PAX7: variants seen among roughly 807,000 people sequenced by gnomAD.
PAX7 encodes paired box 7.
In PAX7, 18 loss-of-function variants were observed where a neutral mutation model predicts 50.7. The observed-to-expected ratio is 0.36, with a 90% CI of 0.25 to 0.53. PAX7 has a LOEUF of 0.53. Among genes scored for constraint, PAX7 ranks in the 20% least tolerant of loss-of-function variants. The pLI, the probability that PAX7 is intolerant of heterozygous loss-of-function variation, is 0.93. For synonymous variants in PAX7, 310 were observed against 290.4 expected, an observed-to-expected ratio of 1.07 and a Z score of -0.69; for missense variants, 644 against 702.9, an observed-to-expected ratio of 0.92 and a Z score of 0.95.
chr1:18,724,596 G>A (rs535209493), intron 7 of PAX7, among the ~76,000 whole-genome samples: 42 of 152,160 alleles, frequency 2.8e-4, no homozygotes, highest in African/African-American at 1.0e-3. Context: ...ATGGAGGTAG[G>A]AAGAGGTGCT....
At chr1:18,667,329 GC>G (rs1335663007) in intron 4 of PAX7, among the ~76,000 whole-genome samples, 1 of 151,598 alleles carries the variant, frequency 6.6e-6, no homozygotes, top group Non-Finnish European at 1.5e-5. Context: ...GTTGGGTTTT[GC>G]CCGCATCTTC....
At chr1:18,683,017 G>A (rs1421651397) in intron 4 of PAX7, among the ~76,000 whole-genome samples, 1 of 152,174 alleles carries the variant, frequency 6.6e-6, no homozygotes, top group African/African-American at 2.4e-5. Flanking sequence ...GTACCTGTGT[G>A]GGGGAAGTGG....
intron 5 of PAX7, among the ~76,000 whole-genome samples, chr1:18,695,563 G>A (rs1036872062): frequency 1.1e-4 from 17 of 152,218 alleles, no homozygotes; most frequent in African/African-American, 1.9e-4. Context: ...GCCTCTGCTT[G>A]AAGCCTGCTA....
chr1:18,720,623 G>T (rs796138349), intron 7 of PAX7, among the ~76,000 whole-genome samples: 15 of 151,620 alleles, frequency 9.9e-5, no homozygotes, highest in African/African-American at 3.4e-4. Context: ...GGAGGTGGGC[G>T]CAGACGGACC....
intron 5 of PAX7, among the ~76,000 whole-genome samples, chr1:18,694,955 C>T (rs182394219): frequency 1.2e-4 from 18 of 152,256 alleles, no homozygotes; most frequent in Admixed American, 9.8e-4. Context: ...CATTGTATGG[C>T]TTCATACATT....
chr1:18,725,398 G>T (rs991407029), intron 7 of PAX7, among the ~76,000 whole-genome samples: 2 of 151,870 alleles, frequency 1.3e-5, no homozygotes, highest in Non-Finnish European at 1.5e-5. Context: ...GAGTCAAGGA[G>T]GCCCTCCTCC....
At chr1:18,679,963 C>T (rs1043487856) in intron 4 of PAX7, among the ~76,000 whole-genome samples, 5 of 152,168 alleles carry the variant, frequency 3.3e-5, no homozygotes, top group Non-Finnish European at 7.3e-5. Flanking sequence ...CAATAATAAT[C>T]GCTAACATGG....
At position 18,691,746 on chromosome 1, in the gene PAX7, G is replaced by C; in HGVS notation, c.587-8G>C. 1 of 1,563,216 alleles carries C rather than the reference G, an allele frequency of 6.4e-7. No individual in the cohort carries two copies. The highest frequency in any genetic ancestry group is 1.2e-5 in the South Asian group (1 of 85,064). ...CCTGCCTTCTCCCTCCCTCTCCTCCGGCTGTAGGGAACCGGCTGGACGAGG... is the reference window on the plus strand; with the variant it reads ...CCTGCCTTCTCCCTCCCTCTCCTCCCGCTGTAGGGAACCGGCTGGACGAGG... On this transcript the variant is annotated splice_region_variant and splice_polypyrimidine_tract_variant and intron_variant, in intron 4 of 8. Transcript: ENST00000420770.
At chr1:18,644,393 A>G (rs1057332325) in intron 4 of PAX7, among the ~76,000 whole-genome samples, 2 of 152,230 alleles carry the variant, frequency 1.3e-5, no homozygotes, top group Non-Finnish European at 2.9e-5. Flanking sequence ...CTTCCATGAA[A>G]AAAGAGAATT....
chr1:18,663,378 T>TTGTTTTGTTC, intron 4 of PAX7, among the ~76,000 whole-genome samples: 1 of 152,300 alleles, frequency 6.6e-6, no homozygotes, highest in Middle Eastern at 3.4e-3. Flanking sequence ...GGGGTTTGTT[T>TTGTTTTGTTC]TGTTTTGTTC....
At chr1:18,708,151 T>G (rs1022587822) in intron 7 of PAX7, among the ~76,000 whole-genome samples, 6 of 152,186 alleles carry the variant, frequency 3.9e-5, no homozygotes, top group African/African-American at 1.4e-4. Context: ...GAGACCTCAT[T>G]CCTGATAACG....
At chr1:18,681,225 GC>G (rs1198701253) in intron 4 of PAX7, among the ~76,000 whole-genome samples, 1 of 140,850 alleles carries the variant, frequency 7.1e-6, no homozygotes, top group Non-Finnish European at 1.5e-5. Flanking sequence ...GAGTGGGCCT[GC>G]CCCTGCCCCC....
intron 7 of PAX7, among the ~76,000 whole-genome samples, chr1:18,724,255 G>A (rs1226010050): frequency 3.3e-5 from 5 of 152,226 alleles, no homozygotes; most frequent in Non-Finnish European, 7.3e-5. Flanking sequence ...GTCTTCCACA[G>A]AGAAAACTGG....
Position 18,711,671 on chromosome 1 carries a change from G to A in PAX7, c.1155+8375G>A, listed in dbSNP as rs148831352. Among the ~76,000 whole-genome samples, 682 of 152,166 alleles carry A rather than the reference G, an allele frequency of 4.5e-3. 6 individuals carry two copies. Among genetic ancestry groups the A allele is most frequent in the African/African-American group, 0.016 (649 of 41,496 alleles). Reference sequence around the variant, plus strand: ...ATGGAGGAGTGCTTGACTCAAGTTGGCAGGGCATGGGCTGAGTGGTTTTTC... The same window carrying A: ...ATGGAGGAGTGCTTGACTCAAGTTGACAGGGCATGGGCTGAGTGGTTTTTC... On this transcript the variant is annotated intron_variant, in intron 7 of 8. Coordinates refer to ENST00000420770, the MANE Select transcript of PAX7 (RefSeq NM_001135254.2).
rs549817866 is a variant in PAX7, at chr1:18,736,239, C to T, written c.1402+361C>T. The T allele has an allele frequency of 1.3e-4, 63 of 498,526 alleles. No homozygotes were observed. In the Middle Eastern group the frequency reaches 2.0e-3, roughly 16 times the overall value. The allele number at this position is 498,526 out of a possible 1,614,324, so 30.9% of individuals were successfully genotyped here. On this transcript the variant is annotated intron_variant, in intron 8 of 8. Coordinates refer to ENST00000420770, the MANE Select transcript of PAX7 (RefSeq NM_001135254.2). Reference sequence around the variant, plus strand: ...CAGCACTTTGGAAGGCTGAGGCAAACGAATCACTTGAGCCCAGGAGTTCAA... The same window carrying T: ...CAGCACTTTGGAAGGCTGAGGCAAATGAATCACTTGAGCCCAGGAGTTCAA...
At chr1:18,697,510 T>G (rs1405686767) in intron 5 of PAX7, among the ~76,000 whole-genome samples, 1 of 152,168 alleles carries the variant, frequency 6.6e-6, no homozygotes, top group Non-Finnish European at 1.5e-5. Context: ...TGGCTGTTAT[T>G]AGCCCCATTT....
chr1:18,658,510 T>C (rs2100472810), intron 4 of PAX7, among the ~76,000 whole-genome samples: 1 of 152,274 alleles, frequency 6.6e-6, no homozygotes, highest in South Asian at 2.1e-4. Context: ...CCCCACATGA[T>C]GGAAGGGAAA....
chr1:18,707,550 G>C (rs976994258), intron 7 of PAX7, among the ~76,000 whole-genome samples: 4 of 151,408 alleles, frequency 2.6e-5, no homozygotes, highest in Admixed American at 1.3e-4. Flanking sequence ...AGCCTCCAGA[G>C]TAGCTGGGAC....
chr1:18,726,007 T>C lies in PAX7; in HGVS notation c.1156-9625T>C, dbSNP rs967257660. On this transcript the variant is annotated intron_variant, in intron 7 of 8. Transcript: ENST00000420770. The surrounding 1 kb of genome is among the most constrained non-coding windows in gnomAD (Gnocchi z 4.8). Reference sequence around the variant, plus strand: ...GTGTGTGTGTGTGCGCGCGCGCGCGTGCGCGCGTGTGTGTGCGTGTGTTTG... The same window carrying C: ...GTGTGTGTGTGTGCGCGCGCGCGCGCGCGCGCGTGTGTGTGCGTGTGTTTG... 4.2e-4 allele frequency among the ~76,000 whole-genome samples: 60 copies of C among 144,518 alleles called. No individual in the cohort carries two copies. Among genetic ancestry groups the C allele is most frequent in the Admixed American group, 2.9e-3 (43 of 14,734 alleles). 94.8% of individuals were successfully genotyped at this position (144,518 alleles called of 152,430 possible).
Sources: allele counts gnomAD v4.1 joint callset (sites outside exome capture counted in the v4.1 genomes callset), GRCh38; gene constraint gnomAD v4.1.1; non-coding constraint Gnocchi (gnomAD v3.1); transcripts MANE v1.5; gene names NCBI Gene and HGNC (gene_info 2026-07-23, HGNC 2026-07-21).